The following RGS22 variants were observed in gnomAD, a reference collection of about 807,000 sequenced individuals.
RGS22 encodes the protein regulator of G-protein signaling 22.
A neutral mutation model predicts 172.9 loss-of-function variants in RGS22; 148 were observed. That is an observed-to-expected ratio of 0.86 (90% CI 0.75 to 0.98). The LOEUF (loss-of-function observed/expected upper bound fraction) is 0.98, where lower values mean the gene tolerates loss of function less well. Among genes scored for constraint, RGS22 ranks in the 50% least tolerant of loss-of-function variants. RGS22 has a pLI of 0.00. For missense variants in RGS22, 1,347 were observed against 1,440.8 expected (o/e 0.93, Z 1.05); for synonymous variants, 458 against 480.2 (o/e 0.95, Z 0.60).
intron 23 of RGS22, among the ~76,000 whole-genome samples, chr8:99,973,104 G>T (rs558023000): frequency 6.6e-6 from 1 of 152,106 alleles, no homozygotes; most frequent in African/African-American, 2.4e-5. Context: ...AAGACAGTAT[G>T]GTGATTCCTC....
At chr8:100,002,582 G>A (rs999086237) in intron 17 of RGS22, among the ~76,000 whole-genome samples, 2 of 152,026 alleles carry the variant, frequency 1.3e-5, no homozygotes, top group Non-Finnish European at 2.9e-5. Flanking sequence ...ATATATGAAT[G>A]ATGACAAAGG....
chr8:99,989,861 CAGATAGATAGATAGATAGATAGAT>C lies in RGS22; in HGVS notation c.3019-2266_3019-2243del, dbSNP rs58327517. 8.6e-3 allele frequency among the ~76,000 whole-genome samples: 1,257 copies of C among 146,442 alleles called. 10 individuals are homozygous for C. Among genetic ancestry groups the C allele is most frequent in the Non-Finnish European group, 0.014 (915 of 66,566 alleles). ...CTCTGTCTCTAGATAGATAGACAGA[CAGATAGATAGATAGATAGATAGAT>C]AGATAGATAGATAGATAGATATAGA... On this transcript the variant is annotated intron_variant, in intron 20 of 27. Coordinates refer to ENST00000360863, the MANE Select transcript of RGS22 (RefSeq NM_015668.5).
chr8:99,994,465 T>C (rs564138021), intron 20 of RGS22, among the ~76,000 whole-genome samples: 262 of 151,952 alleles, frequency 1.7e-3, no homozygotes, highest in Middle Eastern at 6.8e-3. Flanking sequence ...TCCTATGCAA[T>C]ATTAACAGAC....
chr8:100,051,716 TATATTTATATATAC>T (rs1563670888), intron 10 of RGS22, among the ~76,000 whole-genome samples: 3 of 71,194 alleles, frequency 4.2e-5, no homozygotes, highest in African/African-American at 1.9e-4. Flanking sequence ...TATATAAATA[TATATTTATATATAC>T]GTATATATAA....
chr8:100,068,620 C>A (rs564380736), intron 6 of RGS22, among the ~76,000 whole-genome samples: 26 of 152,024 alleles, frequency 1.7e-4, no homozygotes, highest in African/African-American at 6.3e-4. Context: ...TCCAACATTT[C>A]TATAGTATAT....
Position 100,054,827 on chromosome 8 carries a change from A to G in RGS22, c.1515-1851T>C, listed in dbSNP as rs949833398. ...TGTCAACCAGTAAGGGGGCATATCTATAGACTTTTATCAAATAAATCATAC... is the reference window on the plus strand; with the variant it reads ...TGTCAACCAGTAAGGGGGCATATCTGTAGACTTTTATCAAATAAATCATAC... On this transcript the variant is annotated intron_variant, in intron 9 of 27. Coordinates refer to ENST00000360863, the MANE Select transcript of RGS22 (RefSeq NM_015668.5). Among the ~76,000 whole-genome samples, 11 of 152,174 alleles carry G rather than the reference A, an allele frequency of 7.2e-5. No homozygotes were observed. The East Asian group carries it at 7.7e-4, about 11-fold the overall frequency.
chr8:100,038,085 C>CT (rs1184476864), intron 14 of RGS22, among the ~76,000 whole-genome samples: 1 of 152,120 alleles, frequency 6.6e-6, no homozygotes, highest in Non-Finnish European at 1.5e-5. Context: ...TAGCATTGTT[C>CT]AGGGGGAGGT....
At position 100,008,419 on chromosome 8, in the gene RGS22, G is replaced by C. The variant is rs948451747; in HGVS notation, c.2317C>G (p.Pro773Ala). 1.2e-6 allele frequency: 2 copies of C among 1,612,700 alleles called. No individual in the cohort carries two copies. The highest frequency in any genetic ancestry group is 2.7e-5 in the African/African-American group (2 of 74,798). The change falls in exon 15 of 28, where the codon CCA (proline) becomes GCA (alanine). Residue 773 changes from proline to alanine, a missense_variant. By Grantham distance (27) the Pro-to-Ala change is conservative. Coordinates refer to ENST00000360863, the MANE Select transcript of RGS22 (RefSeq NM_015668.5). ...TCCGATTTTACCATCTTTGTCCATGGCTCAAGAAGGAGGAGAAGGATATAT... is the reference window on the plus strand; with the variant it reads ...TCCGATTTTACCATCTTTGTCCATGCCTCAAGAAGGAGGAGAAGGATATAT... ...EEYILLLLLE[P>A]WTKMVKSDQI... is the part of the protein sequence containing the mutation.
chr8:100,071,452 T>TC lies in RGS22; in HGVS notation c.510dup (p.Lys171GlufsTer12). The TC allele has an allele frequency of 6.2e-7, 1 of 1,613,454 alleles. No individual in the cohort carries two copies. Reference sequence around the variant, plus strand: ...GGAGGTGGTAGACTGGGTGGTTTTTTCACGATCCAGGGAGAAAAATTTGAT... The same window carrying TC: ...GGAGGTGGTAGACTGGGTGGTTTTTTCCACGATCCAGGGAGAAAAATTTGAT... On this transcript the variant is annotated frameshift_variant, in exon 6 of 28. Transcript: ENST00000360863. LOFTEE classifies it high-confidence loss of function.
chr8:100,064,820 C>A (rs1412576672), intron 7 of RGS22, among the ~76,000 whole-genome samples: 1 of 152,024 alleles, frequency 6.6e-6, no homozygotes, highest in East Asian at 1.9e-4. Context: ...TATGAACAGA[C>A]CAGAACTGGA....
At chr8:100,081,362 G>GTATATATATATA (rs71274952) in intron 3 of RGS22, among the ~76,000 whole-genome samples, 92 of 143,494 alleles carry the variant, frequency 6.4e-4, no homozygotes, top group East Asian at 1.4e-3. Context: ...GTGCGTGTAT[G>GTATATATATATA]TATATATATA....
intron 3 of RGS22, among the ~76,000 whole-genome samples, chr8:100,090,715 A>G (rs1314635701): frequency 1.3e-5 from 2 of 152,174 alleles, no homozygotes; most frequent in Non-Finnish European, 2.9e-5. Context: ...CAGGTATCTC[A>G]GAGAAGAGCA....
At chr8:100,002,039 T>C (rs190554968) in intron 18 of RGS22, among the ~76,000 whole-genome samples, 163 bp downstream of exon 18, 2 of 152,334 alleles carry the variant, frequency 1.3e-5, no homozygotes. Flanking sequence ...AGACATTTAA[T>C]TTATAGATGC....
chr8:99,971,090 C>T (rs900825958), intron 23 of RGS22, among the ~76,000 whole-genome samples: 24 of 152,168 alleles, frequency 1.6e-4, no homozygotes, highest in African/African-American at 5.5e-4. Context: ...AATCAATAAA[C>T]ATAATCCACC....
chr8:100,087,819 C>G (rs575291675), intron 3 of RGS22, among the ~76,000 whole-genome samples: 1 of 152,136 alleles, frequency 6.6e-6, no homozygotes, highest in East Asian at 1.9e-4. Flanking sequence ...TAACCATAAA[C>G]TGTTTACTAG....
chr8:99,985,350 T>A (rs1382466459), intron 21 of RGS22, among the ~76,000 whole-genome samples: 1 of 152,210 alleles, frequency 6.6e-6, no homozygotes, highest in Non-Finnish European at 1.5e-5. Flanking sequence ...AAGAGTTAGC[T>A]CGGTTAGACT....
At chr8:100,017,118 T>C (rs1435499727) in intron 14 of RGS22, among the ~76,000 whole-genome samples, 1 of 150,296 alleles carries the variant, frequency 6.7e-6, no homozygotes, top group East Asian at 2.0e-4. Flanking sequence ...TTGTCAACTT[T>C]CATCACCATG....
chr8:100,056,876 G>A (rs1480201129), intron 9 of RGS22, among the ~76,000 whole-genome samples: 3 of 152,216 alleles, frequency 2.0e-5, no homozygotes, highest in Non-Finnish European at 4.4e-5. Flanking sequence ...ACTGCCTAGT[G>A]GAGCTGTGAG....
chr8:99,976,686 G>T (rs1811993245), intron 23 of RGS22, among the ~76,000 whole-genome samples: 1 of 152,046 alleles, frequency 6.6e-6, no homozygotes, highest in African/African-American at 2.4e-5. Context: ...AAAAGAGCTG[G>T]ACAAATATAT....
Sources: allele counts gnomAD v4.1 joint callset (sites outside exome capture counted in the v4.1 genomes callset), GRCh38; gene constraint gnomAD v4.1.1; transcripts MANE v1.5; gene names NCBI Gene and HGNC (gene_info 2026-07-23, HGNC 2026-07-21).